The following TTC23 variants were observed in gnomAD, a reference collection of about 807,000 sequenced individuals.
TTC23 encodes tetratricopeptide repeat protein 23.
Under a neutral mutation model 55.1 loss-of-function variants are expected in TTC23, and 58 were observed. The observed-to-expected ratio is 1.05, with a 90% CI of 0.85 to 1.31. The LOEUF (loss-of-function observed/expected upper bound fraction) is 1.31. Ranked by LOEUF, TTC23 falls within the 50% of genes most tolerant of loss-of-function variation. The pLI is 0.00. For missense variants in TTC23, 516 were observed against 534.4 expected, an observed-to-expected ratio of 0.97 and a Z score of 0.34; for synonymous variants, 203 against 199.9, an observed-to-expected ratio of 1.02 and a Z score of -0.13.
intron 9 of TTC23, among the ~76,000 whole-genome samples, chr15:99,188,860 T>C (rs1282460653): frequency 6.6e-6 from 1 of 152,086 alleles, no homozygotes; most frequent in African/African-American, 2.4e-5. Flanking sequence ...ACATTGCTAA[T>C]GGAAATACAA....
intron 10 of TTC23, among the ~76,000 whole-genome samples, chr15:99,165,557 C>G (rs2071959871): frequency 6.6e-6 from 1 of 152,178 alleles, no homozygotes; most frequent in African/African-American, 2.4e-5. Flanking sequence ...GCCAGCTGGC[C>G]CTGGGGTCTG....
At chr15:99,151,284 A>G (rs755551) in intron 12 of TTC23, 22,049 of 152,308 alleles carry the variant, frequency 0.14, 1,648 homozygotes, top group Admixed American at 0.16. Context: ...CCATGTTTTT[A>G]TAGCTTACCA....
chr15:99,199,649 C>T (rs1462099366), intron 9 of TTC23, among the ~76,000 whole-genome samples: 2 of 152,046 alleles, frequency 1.3e-5, no homozygotes, highest in Admixed American at 1.3e-4. Flanking sequence ...AACATACGCT[C>T]TAAATAGATA....
chr15:99,178,428 T>G (rs1327657032), intron 9 of TTC23, among the ~76,000 whole-genome samples: 1 of 152,176 alleles, frequency 6.6e-6, no homozygotes, highest in East Asian at 1.9e-4. Flanking sequence ...TGTGCAAAAT[T>G]AGCATCTCAT....
chr15:99,198,519 T>A (rs2075933502), intron 9 of TTC23, among the ~76,000 whole-genome samples: 1 of 152,194 alleles, frequency 6.6e-6, no homozygotes, highest in Admixed American at 6.5e-5. Context: ...TCCTAAGTGG[T>A]CTAGTTCTAT....
chr15:99,193,511 C>T (rs1358286941), intron 9 of TTC23, among the ~76,000 whole-genome samples: 1 of 152,198 alleles, frequency 6.6e-6, no homozygotes, highest in African/African-American at 2.4e-5. Flanking sequence ...ACATGACTTG[C>T]TCCTCCTTGC....
intron 12 of TTC23, among the ~76,000 whole-genome samples, chr15:99,147,516 C>T (rs983797129): frequency 6.6e-5 from 10 of 152,140 alleles, no homozygotes; most frequent in African/African-American, 1.9e-4. Context: ...TGAGCCACCG[C>T]GCCCAGCCTC....
chr15:99,228,608 T>C lies in TTC23; in HGVS notation c.105A>G (p.Thr35=), dbSNP rs772409756. Residue 35 remains threonine, a synonymous_variant, in exon 5 of 14, where the codon ACA becomes ACG. Coordinates refer to ENST00000394132, the MANE Select transcript of TTC23 (RefSeq NM_001288615.3). ...TCTCTCGAGGAGGCTGGAATAGTGC[T>C]GTCTGAAGCAGCTTGTTTTGGAACT... ...RKKFQNKLLQ[T]ALFQPPREKL... 3 of 1,614,114 alleles carry C rather than the reference T, an allele frequency of 1.9e-6. No individual in the cohort carries two copies. Among genetic ancestry groups the C allele is most frequent in the East Asian group, 2.2e-5 (1 of 44,874 alleles).
rs536637774 is a variant in TTC23, at chr15:99,221,848, T to A, written c.197A>T (p.His66Leu). Residue 66 changes from histidine to leucine, a missense_variant, in exon 6 of 14, where the codon CAT becomes CTT. Coordinates refer to ENST00000394132, the MANE Select transcript of TTC23 (RefSeq NM_001288615.3). ...CAGTGCTACGCAACGCACAAGCTCATGGACGGCCTGTTTGTACTGTTAGGA... is the reference window on the plus strand; with the variant it reads ...CAGTGCTACGCAACGCACAAGCTCAAGGACGGCCTGTTTGTACTGTTAGGA... ...SNSHEYKQAV[H>L]ELVRCVALTR... is the part of the protein sequence containing the mutation. 2 of 1,614,218 alleles carry A rather than the reference T, an allele frequency of 1.2e-6. No homozygotes were observed. Among genetic ancestry groups the A allele is most frequent in the South Asian group, 1.1e-5 (1 of 91,078 alleles).
chr15:99,151,567 T>A (rs2069756248), intron 12 of TTC23, among the ~76,000 whole-genome samples: 1 of 152,214 alleles, frequency 6.6e-6, no homozygotes. Context: ...CTCAGCTGCA[T>A]CCTGCCGGCG....
intron 8 of TTC23, among the ~76,000 whole-genome samples, chr15:99,201,439 C>G (rs2151996795): frequency 6.6e-6 from 1 of 152,252 alleles, no homozygotes; most frequent in East Asian, 1.9e-4. Context: ...CCTTGTGATT[C>G]CCAAACTGCC....
intron 12 of TTC23, among the ~76,000 whole-genome samples, chr15:99,147,248 C>CA (rs1555494129): frequency 7.9e-6 from 1 of 125,924 alleles, no homozygotes. Context: ...TTTTTTGAGA[C>CA]AGAGTCTCGC....
chr15:99,193,944 G>A (rs2075470129), intron 9 of TTC23, among the ~76,000 whole-genome samples: 1 of 152,056 alleles, frequency 6.6e-6, no homozygotes, highest in South Asian at 2.1e-4. Flanking sequence ...GGGAGGTGGA[G>A]GTTGCAGTGA....
intron 6 of TTC23, among the ~76,000 whole-genome samples, chr15:99,220,372 G>A (rs937091962): frequency 5.9e-5 from 9 of 152,282 alleles, no homozygotes; most frequent in South Asian, 2.1e-4. Flanking sequence ...GGACTGTCAC[G>A]CAGAGAGGCA....
chr15:99,192,839 G>A (rs906725916), intron 9 of TTC23, among the ~76,000 whole-genome samples: 7 of 152,198 alleles, frequency 4.6e-5, no homozygotes, highest in African/African-American at 1.7e-4. Flanking sequence ...TCGTCAATGT[G>A]TGAAGGCAGC....
Position 99,139,306 on chromosome 15 carries a change from C to T in TTC23, c.1226+11G>A, listed in dbSNP as rs529773652. The T allele has an allele frequency of 6.7e-5, 108 of 1,610,360 alleles. No individual in the cohort carries two copies. The South Asian group carries it at 8.0e-4, about 12-fold the overall frequency. On this transcript the variant is annotated intron_variant, in intron 13 of 13. Coordinates refer to ENST00000394132, the MANE Select transcript of TTC23 (RefSeq NM_001288615.3). ...AATGAGATAGAGAAAGTGTGAGGGA[C>T]GCCAACTCACGTGGACAGCATGCCC...
chr15:99,156,611 T>A (rs1012995377), intron 11 of TTC23, among the ~76,000 whole-genome samples: 2 of 152,230 alleles, frequency 1.3e-5, no homozygotes, highest in Non-Finnish European at 1.5e-5. Flanking sequence ...AAGCCCCTTA[T>A]AAAACCATCA....
intron 9 of TTC23, among the ~76,000 whole-genome samples, chr15:99,198,440 T>C (rs2075925038): frequency 6.6e-6 from 1 of 152,226 alleles, no homozygotes; most frequent in African/African-American, 2.4e-5. Context: ...CATCTACTTC[T>C]CTTCATCTCC....
chr15:99,164,841 AG>A (rs1223499159), intron 10 of TTC23, among the ~76,000 whole-genome samples: 1 of 152,204 alleles, frequency 6.6e-6, no homozygotes, highest in Non-Finnish European at 1.5e-5. Flanking sequence ...AAATCCAATC[AG>A]CCCCTGTAAA....
Sources: allele counts gnomAD v4.1 joint callset (sites outside exome capture counted in the v4.1 genomes callset), GRCh38; gene constraint gnomAD v4.1.1; transcripts MANE v1.5; gene names NCBI Gene and HGNC (gene_info 2026-07-23, HGNC 2026-07-21).